Variants in STX8 observed in about 807,000 individuals in gnomAD.
STX8 encodes syntaxin-8.
STX8 carries 23 observed loss-of-function variants against 37.5 expected under a neutral mutation model. The observed-to-expected ratio is 0.61, with a 90% confidence interval of 0.44 to 0.87. The LOEUF is 0.87. STX8 is among the 40% of genes least tolerant of loss of function. STX8 has a pLI of 0.00. For missense variants in STX8, 313 were observed against 284.7 expected (o/e 1.10, Z -0.71); for synonymous variants, 115 against 99.1 (o/e 1.16, Z -0.95).
intron 5 of STX8, among the ~76,000 whole-genome samples, chr17:9,492,245 A>G (rs1906882451): frequency 6.6e-6 from 1 of 152,220 alleles, no homozygotes; most frequent in East Asian, 1.9e-4. Context: ...CAATTTTTTA[A>G]ATCAGCAGAG....
intron 4 of STX8, among the ~76,000 whole-genome samples, chr17:9,532,403 T>TA (rs1217992502): frequency 6.6e-6 from 1 of 152,136 alleles, no homozygotes; most frequent in Admixed American, 6.6e-5. Flanking sequence ...CCTGTTTTTT[T>TA]AAAAAACACA....
chr17:9,394,185 A>G (rs1912320466), intron 6 of STX8, among the ~76,000 whole-genome samples: 1 of 152,124 alleles, frequency 6.6e-6, no homozygotes, highest in South Asian at 2.1e-4. Context: ...GGAATTTGCC[A>G]TGTCTACTGG....
intron 7 of STX8, among the ~76,000 whole-genome samples, chr17:9,294,517 A>C (rs924139558): frequency 6.6e-6 from 1 of 152,152 alleles, no homozygotes; most frequent in Non-Finnish European, 1.5e-5. Context: ...GCAGTCTTAC[A>C]CTCTTTAGAG....
chr17:9,563,923 A>G (rs976638931), intron 2 of STX8, among the ~76,000 whole-genome samples: 9 of 152,336 alleles, frequency 5.9e-5, no homozygotes, highest in East Asian at 1.9e-4. Context: ...CCTGGGATGC[A>G]AGGTTGGTTC....
At chr17:9,276,022 C>T (rs528451484) in intron 7 of STX8, among the ~76,000 whole-genome samples, 84 of 152,204 alleles carry the variant, frequency 5.5e-4, no homozygotes, top group African/African-American at 1.9e-3. Flanking sequence ...GGTGTGCCTA[C>T]AGCCCCTTCA....
intron 7 of STX8, among the ~76,000 whole-genome samples, chr17:9,267,074 G>A (rs1474334743): frequency 1.3e-5 from 2 of 152,194 alleles, no homozygotes; most frequent in Non-Finnish European, 2.9e-5. Context: ...AAATGACAGA[G>A]TGTGTGAAAG....
At chr17:9,276,587 T>G (rs1340312136) in intron 7 of STX8, among the ~76,000 whole-genome samples, 1 of 152,078 alleles carries the variant, frequency 6.6e-6, no homozygotes, top group East Asian at 1.9e-4. Context: ...ACAAAATTAG[T>G]TTTTTGTCAG....
chr17:9,254,664 G>C (rs181667709), intron 7 of STX8, among the ~76,000 whole-genome samples: 384 of 152,184 alleles, frequency 2.5e-3, no homozygotes, highest in Middle Eastern at 0.014. Flanking sequence ...CCAAAGTGCT[G>C]GGATTACAGG....
chr17:9,428,366 G>A (rs1273147172), intron 6 of STX8, among the ~76,000 whole-genome samples: 1 of 151,982 alleles, frequency 6.6e-6, no homozygotes, highest in Non-Finnish European at 1.5e-5. Context: ...TCAGCCTCCC[G>A]AGTAGCTGGG....
intron 4 of STX8, among the ~76,000 whole-genome samples, chr17:9,535,341 G>C (rs1380896924): frequency 1.3e-5 from 2 of 151,370 alleles, no homozygotes; most frequent in East Asian, 1.9e-4. Context: ...CACAAGTCTA[G>C]AGGGGTTCTA....
chr17:9,431,908 A>ATCT (rs1913999140), intron 6 of STX8, among the ~76,000 whole-genome samples: 1 of 152,122 alleles, frequency 6.6e-6, no homozygotes, highest in African/African-American at 2.4e-5. Flanking sequence ...TTGGTTCATA[A>ATCT]AACATTTTGT....
chr17:9,575,747 C>A lies in STX8; in HGVS notation c.17+45G>T, dbSNP rs9891626. 3.2e-6 allele frequency: 5 copies of A among 1,545,594 alleles called. No homozygotes were observed. In the Admixed American group the frequency reaches 9.8e-5, roughly 30 times the overall value. On this transcript the variant is annotated intron_variant, in intron 1 of 7. Transcript: ENST00000306357. ...TGCCTGCTCTCCGGAAGCCCGGCCTCCCCGAAGGTCCCTCCACGCACCGCC... is the reference window on the plus strand; with the variant it reads ...TGCCTGCTCTCCGGAAGCCCGGCCTACCCGAAGGTCCCTCCACGCACCGCC...
chr17:9,381,035 A>C (rs1911796869), intron 6 of STX8, among the ~76,000 whole-genome samples: 3 of 151,966 alleles, frequency 2.0e-5, no homozygotes. Context: ...TCTTGTTACA[A>C]CTGCTTACAT....
chr17:9,414,111 C>CATCCGTCT (rs1913088999), intron 6 of STX8, among the ~76,000 whole-genome samples: 1 of 70,632 alleles, frequency 1.4e-5, no homozygotes, highest in African/African-American at 5.1e-5. Flanking sequence ...TCCATCCATC[C>CATCCGTCT]ATCCATCCAT....
At chr17:9,531,858 AT>A (rs1357190521) in intron 4 of STX8, among the ~76,000 whole-genome samples, 1 of 151,552 alleles carries the variant, frequency 6.6e-6, no homozygotes, top group East Asian at 1.9e-4. Flanking sequence ...CAGCCTTAAA[AT>A]TTTTTCATTT....
chr17:9,392,772 T>C (rs1213706410), intron 6 of STX8, among the ~76,000 whole-genome samples: 1 of 152,108 alleles, frequency 6.6e-6, no homozygotes, highest in Admixed American at 6.6e-5. Context: ...ATGGGATCAA[T>C]AGCAGAATGG....
chr17:9,568,511 T>C (rs770537352), intron 1 of STX8, 41 bp from the exon 2 acceptor site: 4 of 1,551,312 alleles, frequency 2.6e-6, no homozygotes, highest in Non-Finnish European at 3.5e-6. Flanking sequence ...TTAAGGTTCT[T>C]TTTTTTTGAG....
At chr17:9,503,863 C>T (rs1421110634) in intron 5 of STX8, among the ~76,000 whole-genome samples, 3 of 152,144 alleles carry the variant, frequency 2.0e-5, no homozygotes, top group African/African-American at 7.2e-5. Context: ...CTCCTGGGTT[C>T]AAGCGATTCT....
chr17:9,331,598 T>C (rs969663711), intron 7 of STX8, among the ~76,000 whole-genome samples: 3 of 152,194 alleles, frequency 2.0e-5, no homozygotes, highest in Non-Finnish European at 4.4e-5. Context: ...TGCGTTTTTG[T>C]TGGGAGAAGC....
Sources: gnomAD v4.1 joint callset for allele counts (sites outside exome capture counted in the v4.1 genomes callset) on GRCh38, gnomAD v4.1.1 for gene constraint, MANE v1.5 for transcripts, NCBI Gene and HGNC (gene_info 2026-07-23, HGNC 2026-07-21) for gene names.